NAV3: variants seen among roughly 807,000 people sequenced by gnomAD.
NAV3 encodes the protein neuron navigator 3.
Under a neutral mutation model 244.7 loss-of-function variants are expected in NAV3, and 87 were observed. That is an observed-to-expected ratio of 0.36 (90% CI 0.30 to 0.42). The LOEUF (loss-of-function observed/expected upper bound fraction) is 0.42. NAV3 is among the 20% of genes least tolerant of loss of function. The pLI is 1.00. For synonymous variants in NAV3, 1,126 were observed against 1,042.2 expected, an observed-to-expected ratio of 1.08 and a Z score of -1.55; for missense variants, 2,663 against 2,893.3, an observed-to-expected ratio of 0.92 and a Z score of 1.83.
intron 20 of NAV3, chr12:78,143,466 A>G (rs1426882750): frequency 2.7e-6 from 1 of 375,606 alleles, no homozygotes; most frequent in Non-Finnish European, 5.2e-6. Context: ...CCCCGTCTCT[A>G]CTAAAAATAC....
At chr12:77,780,140 G>A (rs117166517) in intron 2 of NAV3, among the ~76,000 whole-genome samples, 156 of 152,232 alleles carry the variant, frequency 1.0e-3, no homozygotes, top group Non-Finnish European at 1.9e-3. Context: ...GAAGTGGAGC[G>A]AGGCGCACGG....
At chr12:77,595,250 G>A (rs1289360980) in intron 2 of NAV3, among the ~76,000 whole-genome samples, 2 of 152,052 alleles carry the variant, frequency 1.3e-5, no homozygotes, top group Admixed American at 6.6e-5. Context: ...GAAGATTTGG[G>A]ACAACCTGGA....
intron 39 of NAV3, among the ~76,000 whole-genome samples, chr12:78,207,832 T>C (rs1960480581): frequency 6.6e-6 from 1 of 152,182 alleles, no homozygotes; most frequent in Admixed American, 6.5e-5. Flanking sequence ...AGCCATGATT[T>C]ACCTAGTTAG....
At chr12:78,179,267 T>C (rs1459154848) in intron 28 of NAV3, among the ~76,000 whole-genome samples, 1 of 152,158 alleles carries the variant, frequency 6.6e-6, no homozygotes, top group African/African-American at 2.4e-5. Context: ...ATTTTTAGGA[T>C]TACTTTATAT....
At chr12:78,111,674 T>C (rs1217157430) in intron 12 of NAV3, among the ~76,000 whole-genome samples, 5 of 152,150 alleles carry the variant, frequency 3.3e-5, no homozygotes, top group African/African-American at 1.2e-4. Flanking sequence ...TATAACCACA[T>C]TGAAAAAACA....
At chr12:77,675,478 A>G (rs992403208) in intron 2 of NAV3, among the ~76,000 whole-genome samples, 6 of 152,210 alleles carry the variant, frequency 3.9e-5, no homozygotes, top group Non-Finnish European at 8.8e-5. Flanking sequence ...CTTAAAGCCT[A>G]CTGATTATGG....
intron 1 of NAV3, among the ~76,000 whole-genome samples, chr12:77,921,309 G>T (rs998529144): frequency 6.6e-6 from 1 of 151,952 alleles, no homozygotes; most frequent in Non-Finnish European, 1.5e-5. Flanking sequence ...AGGCAATACC[G>T]ACTGTGAAAT....
At chr12:78,074,123 C>G (rs1287206159) in intron 12 of NAV3, among the ~76,000 whole-genome samples, 1 of 152,146 alleles carries the variant, frequency 6.6e-6, no homozygotes, top group African/African-American at 2.4e-5. Context: ...AGCAGGCCCA[C>G]AAAAGCACTG....
At chr12:77,840,009 G>A (rs897688540) in intron 1 of NAV3, among the ~76,000 whole-genome samples, 3 of 152,200 alleles carry the variant, frequency 2.0e-5, no homozygotes, top group Admixed American at 2.0e-4. Context: ...GGAGGTGGAG[G>A]TTGTAGTGAG....
At chr12:77,645,058 T>C (rs954418980) in intron 2 of NAV3, among the ~76,000 whole-genome samples, 1 of 152,102 alleles carries the variant, frequency 6.6e-6, no homozygotes, top group Non-Finnish European at 1.5e-5. Context: ...AGGGAAAGTT[T>C]TGTTCACTAC....
intron 1 of NAV3, among the ~76,000 whole-genome samples, chr12:77,842,945 T>TA (rs1025107426): frequency 5.9e-5 from 9 of 152,188 alleles, no homozygotes; most frequent in African/African-American, 1.9e-4. Context: ...TTTTTAGGCT[T>TA]AAAAAATGTA....
intron 1 of NAV3, among the ~76,000 whole-genome samples, chr12:77,924,891 A>G (rs1888042944): frequency 6.6e-6 from 1 of 151,830 alleles, no homozygotes; most frequent in African/African-American, 2.4e-5. Context: ...CATGTTTTCT[A>G]TTACAGTTAA....
At chr12:77,929,381 G>A (rs898690761) in intron 1 of NAV3, among the ~76,000 whole-genome samples, 3 of 152,098 alleles carry the variant, frequency 2.0e-5, no homozygotes, top group African/African-American at 7.2e-5. Flanking sequence ...CACGGACAGG[G>A]ACATGTCATT....
At position 77,645,534 on chromosome 12, in the gene NAV3, TC is replaced by T. The variant is rs1460776351; in HGVS notation, c.72+73269del. On this transcript the variant is annotated intron_variant, in intron 2 of 8. Coordinates refer to the NAV3 transcript ENST00000550042. ...GGGAATTCATGGAGAGCTCTCTCTCTCTAAAAAAAAAAAAAAAAAAAAAAAA... is the reference window on the plus strand; with the variant it reads ...GGGAATTCATGGAGAGCTCTCTCTCTTAAAAAAAAAAAAAAAAAAAAAAAA... Among the ~76,000 whole-genome samples the T allele has an allele frequency of 1.3e-3, 120 of 89,320 alleles. 3 individuals carry two copies. Among genetic ancestry groups the T allele is most frequent in the African/African-American group, 7.1e-3 (112 of 15,670 alleles). 58.6% of individuals were successfully genotyped at this position (89,320 alleles called of 152,430 possible).
chr12:77,894,199 G>A (rs1303784771), intron 1 of NAV3, among the ~76,000 whole-genome samples: 1 of 152,060 alleles, frequency 6.6e-6, no homozygotes, highest in Admixed American at 6.5e-5. Flanking sequence ...TGACTAACAA[G>A]ATAGTGTTGT....
Position 78,200,473 on chromosome 12 carries a change from G to A in NAV3, c.6716G>A (p.Gly2239Asp), listed in dbSNP as rs1291340832. 1.9e-6 allele frequency: 3 copies of A among 1,545,390 alleles called. No individual in the cohort carries two copies. The East Asian group carries it at 6.8e-5, about 35-fold the overall frequency. ...TATTTTGTTATTTATTTCTTATCAGGTCCCCGACTATTCCTTCCTTGCCCC... is the reference window on the plus strand; with the variant it reads ...TATTTTGTTATTTATTTCTTATCAGATCCCCGACTATTCCTTCCTTGCCCC... Reference protein sequence around the residue: ...ETHSSSDVTIGPRLFLPCPMD... With the variant: ...ETHSSSDVTIDPRLFLPCPMD... The change falls in exon 38 of 40, where the codon GGT becomes GAT. Residue 2239 changes from glycine (G) to aspartate (D), a missense_variant and splice_region_variant. Gly to Asp is a moderately conservative substitution (Grantham distance 94). Transcript: ENST00000397909.
chr12:77,868,810 C>A (rs556991386), intron 1 of NAV3, among the ~76,000 whole-genome samples: 79 of 151,568 alleles, frequency 5.2e-4, no homozygotes, highest in Non-Finnish European at 9.9e-4. Flanking sequence ...TGGCTCACTC[C>A]TTTAATCCTA....
At chr12:77,834,295 G>A (rs1426337209) in intron 1 of NAV3, among the ~76,000 whole-genome samples, 1 of 152,142 alleles carries the variant, frequency 6.6e-6, no homozygotes, top group Admixed American at 6.5e-5. Context: ...GGGAATGGAT[G>A]ATTTGTGGAG....
intron 23 of NAV3, among the ~76,000 whole-genome samples, chr12:78,162,745 C>T (rs1957596835): frequency 6.7e-6 from 1 of 150,368 alleles, no homozygotes; most frequent in African/African-American, 2.4e-5. Context: ...ACCTGTAGTC[C>T]CAGCTATTCA....
Sources: allele counts gnomAD v4.1 joint callset (sites outside exome capture counted in the v4.1 genomes callset), GRCh38; gene constraint gnomAD v4.1.1; transcripts MANE v1.5; gene names NCBI Gene and HGNC (gene_info 2026-07-23, HGNC 2026-07-21).